EVC: variants seen among roughly 807,000 people sequenced by gnomAD.
EVC encodes the protein evC complex member EVC.
A neutral mutation model predicts 118.9 loss-of-function variants in EVC; 116 were observed. That is an observed-to-expected ratio of 0.98 (90% CI 0.84 to 1.14). EVC has a LOEUF of 1.14. Ranked by LOEUF, EVC falls within the 50% of genes most tolerant of loss-of-function variation. The pLI, the probability that EVC is intolerant of heterozygous loss-of-function variation, is 0.00. For missense variants in EVC, 1,401 were observed against 1,246.4 expected, an observed-to-expected ratio of 1.12 and a Z score of -1.87; for synonymous variants, 619 against 534.7, an observed-to-expected ratio of 1.16 and a Z score of -2.18.
intron 16 of EVC, among the ~76,000 whole-genome samples, chr4:5,802,424 A>G (rs984694650): frequency 1.3e-5 from 2 of 152,108 alleles, no homozygotes; most frequent in African/African-American, 4.8e-5. Context: ...GGTTTCATGG[A>G]AGACTATTTT....
In EVC at chr4:5,749,912, G is replaced by A. The variant is rs962163281; in HGVS notation, c.1098+1606G>A. ...GGTGTGATCCACAGACCACAGCATC[G>A]GCAACACTGGGAGCTGGTTAGAGTG... On this transcript the variant is annotated intron_variant, in intron 8 of 20. Transcript: ENST00000264956. This position sits in a 1 kb window ranked among gnomAD's most constrained non-coding sequence, Gnocchi z 4.4. 2.6e-5 allele frequency among the ~76,000 whole-genome samples: 4 copies of A among 152,046 alleles called. No homozygotes were observed. Among genetic ancestry groups the A allele is most frequent in the African/African-American group, 9.7e-5 (4 of 41,398 alleles).
chr4:5,753,846 G>C lies in EVC; in HGVS notation c.1377G>C (p.Thr459=). Residue 459 remains threonine (T), a synonymous_variant, in exon 10 of 21, where the codon ACG becomes ACC. Coordinates refer to ENST00000264956, the MANE Select transcript of EVC (RefSeq NM_153717.3). The part of the protein sequence containing the change: ...TASLAHQVEG[T]AKLTLAQEEE... Reference sequence around the variant, plus strand: ...CTCTGGCTCACCAGGTGGAGGGAACGGCAAAACTCACGCTGGCCCAAGAGG... The same window carrying C: ...CTCTGGCTCACCAGGTGGAGGGAACCGCAAAACTCACGCTGGCCCAAGAGG... The C allele has an allele frequency of 1.9e-6, 3 of 1,614,086 alleles. No homozygotes were observed. The highest frequency in any genetic ancestry group is 2.5e-6 in the Non-Finnish European group (3 of 1,180,010).
At chr4:5,828,723 T>C in the EVC span, 2 of 1,571,070 alleles carry the variant, frequency 1.3e-6, no homozygotes, top group Non-Finnish European at 1.7e-6. Context: ...CCAAACGAGC[T>C]GTTCATAACA....
chr4:5,786,623 C>G (rs1218419235), intron 12 of EVC, among the ~76,000 whole-genome samples: 1 of 152,142 alleles, frequency 6.6e-6, no homozygotes, highest in Non-Finnish European at 1.5e-5. Flanking sequence ...CCTATAATCC[C>G]AGCACTTTGG....
At position 5,731,360 on chromosome 4, in the gene EVC, A is replaced by G; in HGVS notation, c.385-65A>G. On this transcript the variant is annotated intron_variant, in intron 3 of 20. Coordinates refer to ENST00000264956, the MANE Select transcript of EVC (RefSeq NM_153717.3). The surrounding 1 kb of genome is among the most constrained non-coding windows in gnomAD (Gnocchi z 5.6). Reference sequence around the variant, plus strand: ...GCTAGCGTGAATCACTGGTAGAATTATGAATACTAGATCAAATCCCAGAGG... The same window carrying G: ...GCTAGCGTGAATCACTGGTAGAATTGTGAATACTAGATCAAATCCCAGAGG... 1 of 1,319,814 alleles carries G rather than the reference A, an allele frequency of 7.6e-7. No homozygotes were observed. 81.8% of individuals were successfully genotyped at this position (1,319,814 alleles called of 1,614,324 possible). A position where few individuals can be genotyped will look rare whatever the true frequency, so the allele number is the denominator to read the frequency against.
In EVC at chr4:5,765,098, T is replaced by C. The variant is rs201726659; in HGVS notation, c.1563+8736T>C. Among the ~76,000 whole-genome samples, 6 of 117,310 alleles carry C rather than the reference T, an allele frequency of 5.1e-5. 1 individual carries two copies. Among genetic ancestry groups the C allele is most frequent in the Non-Finnish European group, 1.1e-4 (6 of 54,286 alleles). 77.0% of individuals were successfully genotyped at this position (117,310 alleles called of 152,430 possible). ...AATGCATCCCAGAGATTTTGGTATG[T>C]TGTGTCTTTGTTCTCGTTGGTTTCA... is the stretch of plus-strand genomic sequence containing the variant. On this transcript the variant is annotated intron_variant, in intron 11 of 20. Coordinates refer to ENST00000264956, the MANE Select transcript of EVC (RefSeq NM_153717.3).
the EVC span, chr4:5,825,199 G>T: frequency 1.0e-6 from 1 of 985,326 alleles, no homozygotes; most frequent in Non-Finnish European, 1.2e-6. This position sits in a 1 kb window ranked among gnomAD's most constrained non-coding sequence, Gnocchi z 4.4. Flanking sequence ...GGAAGAGTGT[G>T]AAAGTGTCCC....
rs748826552 is a variant in EVC, at chr4:5,809,503, CTGCT to C, written c.2689-11_2689-8del. 6 of 1,613,146 alleles carry C rather than the reference CTGCT, an allele frequency of 3.7e-6. No individual in the cohort carries two copies. In the South Asian group the frequency reaches 6.6e-5, roughly 18 times the overall value. Reference sequence around the variant, plus strand: ...GGGAGGCCCAGCTGAATGCTCCTCTCTGCTTGCATTTCAGGAAGCTGAACAGAAC... The same window carrying C: ...GGGAGGCCCAGCTGAATGCTCCTCTCTGCATTTCAGGAAGCTGAACAGAAC... On this transcript the variant is annotated splice_polypyrimidine_tract_variant and intron_variant, in intron 18 of 20. Transcript: ENST00000264956.
At chr4:5,780,273 G>C (rs943585493) in intron 11 of EVC, among the ~76,000 whole-genome samples, 1 of 152,186 alleles carries the variant, frequency 6.6e-6, no homozygotes, top group African/African-American at 2.4e-5. Flanking sequence ...AGCACAGCAA[G>C]TATGAGCTAG....
chr4:5,713,150 G>A (rs114789151), intron 1 of EVC, among the ~76,000 whole-genome samples: 46 of 152,220 alleles, frequency 3.0e-4, no homozygotes, highest in African/African-American at 1.1e-3. Context: ...TGCACAGCTA[G>A]TCAGTTGAGG....
At chr4:5,824,104 C>T in the EVC span, among the ~76,000 whole-genome samples, 2 of 152,164 alleles carry the variant, frequency 1.3e-5, no homozygotes, top group African/African-American at 4.8e-5. Context: ...TATTCTTGTT[C>T]TAAGAACAAC....
At position 5,737,643 on chromosome 4, in the gene EVC, C is replaced by G. The variant is rs887595038; in HGVS notation, c.703-4073C>G. ...ATGCTAAATCTACTCTGCCTGTGCT[C>G]TATAAGTGGAACAACAAAGCCTGGA... On this transcript the variant is annotated intron_variant, in intron 5 of 20. Coordinates refer to ENST00000264956, the MANE Select transcript of EVC (RefSeq NM_153717.3). The surrounding 1 kb of genome is among the most constrained non-coding windows in gnomAD (Gnocchi z 5.0). Among the ~76,000 whole-genome samples the G allele has an allele frequency of 6.6e-6, 1 of 152,182 alleles. No individual in the cohort carries two copies. Among genetic ancestry groups the G allele is most frequent in the Non-Finnish European group, 1.5e-5 (1 of 68,034 alleles).
rs755631825 is a variant in EVC, at chr4:5,749,988, C to T, written c.1098+1682C>T. Among the ~76,000 whole-genome samples, 2 of 152,164 alleles carry T rather than the reference C, an allele frequency of 1.3e-5. No individual in the cohort carries two copies. The highest frequency in any genetic ancestry group is 2.4e-5 in the African/African-American group (1 of 41,422). ...AAGCAGGATCTGCACTTTAACAAGA[C>T]CCCCACATCCACACAGTTGTTTGAG... On this transcript the variant is annotated intron_variant, in intron 8 of 20. Transcript: ENST00000264956. This position sits in a 1 kb window ranked among gnomAD's most constrained non-coding sequence, Gnocchi z 4.4.
At chr4:5,791,643 T>A (rs11723498) in intron 12 of EVC, among the ~76,000 whole-genome samples, 1 of 151,886 alleles carries the variant, frequency 6.6e-6, no homozygotes, top group Admixed American at 6.6e-5. Context: ...GAGAAAAGAA[T>A]AGCCCCTCCC....
At chr4:5,730,078 T>C (rs190485567) in intron 3 of EVC, among the ~76,000 whole-genome samples, 1 of 152,324 alleles carries the variant, frequency 6.6e-6, no homozygotes, top group East Asian at 1.9e-4. Flanking sequence ...AGTCACAGCA[T>C]CTCAGTCCTA....
chr4:5,769,954 C>T (rs1291892883), intron 11 of EVC, among the ~76,000 whole-genome samples: 1 of 152,098 alleles, frequency 6.6e-6, no homozygotes, highest in South Asian at 2.1e-4. Flanking sequence ...GGCTCTTTAA[C>T]TCACCAGAAG....
At chr4:5,716,390 T>C (rs1439429462) in intron 1 of EVC, among the ~76,000 whole-genome samples, 2 of 152,190 alleles carry the variant, frequency 1.3e-5, no homozygotes, top group Non-Finnish European at 2.9e-5. Flanking sequence ...TGCAATTTTG[T>C]GAAGGAAGAG....
intron 12 of EVC, among the ~76,000 whole-genome samples, chr4:5,786,645 G>A (rs1274221490): frequency 6.6e-6 from 1 of 152,128 alleles, no homozygotes; most frequent in African/African-American, 2.4e-5. Flanking sequence ...AGGCCAAGAC[G>A]GGCGGATCAT....
intron 11 of EVC, among the ~76,000 whole-genome samples, chr4:5,770,390 A>G (rs557446149): frequency 6.6e-6 from 1 of 152,134 alleles, no homozygotes; most frequent in Non-Finnish European, 1.5e-5. Context: ...CAGACCAAAC[A>G]TTCCAGGGGC....
Sources: gnomAD v4.1 joint callset for allele counts (sites outside exome capture counted in the v4.1 genomes callset) on GRCh38, gnomAD v4.1.1 for gene constraint, Gnocchi (gnomAD v3.1) non-coding constraint, MANE v1.5 for transcripts, NCBI Gene and HGNC (gene_info 2026-07-23, HGNC 2026-07-21) for gene names.